TRPC4AP: variants seen among roughly 807,000 people sequenced by gnomAD.
TRPC4AP encodes the protein short transient receptor potential channel 4-associated protein.
TRPC4AP carries 45 observed loss-of-function variants against 99.0 expected under a neutral mutation model. That is an observed-to-expected ratio of 0.45 (90% CI 0.36 to 0.58). The LOEUF (loss-of-function observed/expected upper bound fraction) is 0.58, where lower values mean the gene tolerates loss of function less well. Among genes scored for constraint, TRPC4AP ranks in the 20% least tolerant of loss-of-function variants. The probability of loss-of-function intolerance (pLI) is 0.00; values close to 1 mark genes in which losing one functional copy is unlikely to be tolerated. For missense variants in TRPC4AP, 879 were observed against 985.3 expected, an observed-to-expected ratio of 0.89 and a Z score of 1.44; for synonymous variants, 408 against 385.8, an observed-to-expected ratio of 1.06 and a Z score of -0.67.
chr20:35,078,126 C>T lies in TRPC4AP; in HGVS notation c.217G>A (p.Gly73Arg). Reference protein sequence around the residue: ...TERDKQSKWSGIPQLLLKLHT... With the variant: ...TERDKQSKWSRIPQLLLKLHT... ...AGCTTGAGGAGCAGCTGAGGAATTC[C>T]ACTCCACTTGGATTGTTTGTCCCTC... The change falls in exon 2 of 19, where the codon GGA becomes AGA. Residue 73 changes from glycine (G) to arginine (R), a missense_variant. Coordinates refer to ENST00000252015, the MANE Select transcript of TRPC4AP (RefSeq NM_015638.3). The T allele has an allele frequency of 6.2e-7, 1 of 1,614,010 alleles. No homozygotes were observed. The highest frequency in any genetic ancestry group is 8.5e-7 in the Non-Finnish European group (1 of 1,179,966).
Position 35,007,507 on chromosome 20 carries a change from G to T in TRPC4AP, c.1686+43C>A, listed in dbSNP as rs562233919. ...GACAGGACACAGCAACGCGTGGGCT[G>T]GGGGGAGACGGAACCCAAGACACTG... On this transcript the variant is annotated intron_variant, in intron 14 of 18. Coordinates refer to ENST00000252015, the MANE Select transcript of TRPC4AP (RefSeq NM_015638.3). 239 of 1,590,172 alleles carry T rather than the reference G, an allele frequency of 1.5e-4. 1 individual carries two copies. The highest frequency in any genetic ancestry group is 3.3e-4 in the Middle Eastern group (2 of 5,974).
At chr20:35,055,094 A>G in intron 4 of TRPC4AP, 63 bp from the exon 5 acceptor site, 1 of 1,466,038 alleles carries the variant, frequency 6.8e-7, no homozygotes, top group Non-Finnish European at 9.5e-7. Context: ...AACAGTTACC[A>G]CATTTTTTTC....
In TRPC4AP at chr20:35,049,998, T is replaced by C. The variant is rs1569121815; in HGVS notation, c.529-4A>G. On this transcript the variant is annotated splice_polypyrimidine_tract_variant and splice_region_variant and intron_variant, in intron 5 of 18. Coordinates refer to ENST00000252015, the MANE Select transcript of TRPC4AP (RefSeq NM_015638.3). Reference sequence around the variant, plus strand: ...AACGCTTTGTAACTCCCTCTGTCTGTCACAAGAAGAAAAGGCAGAATAGGT... The same window carrying C: ...AACGCTTTGTAACTCCCTCTGTCTGCCACAAGAAGAAAAGGCAGAATAGGT... 6.2e-7 allele frequency: 1 copy of C among 1,612,774 alleles called. No homozygotes were observed. Among genetic ancestry groups the C allele is most frequent in the Admixed American group, 1.7e-5 (1 of 59,746 alleles).
intron 8 of TRPC4AP, among the ~76,000 whole-genome samples, chr20:35,027,161 T>C (rs2083051650): frequency 6.6e-6 from 1 of 152,184 alleles, no homozygotes; most frequent in South Asian, 2.1e-4. Flanking sequence ...GTAGAAGCTT[T>C]CAATTTTTTG....
chr20:35,006,622 C>A, intron 14 of TRPC4AP, 47 bp from the exon 15 acceptor site: 1 of 1,598,196 alleles, frequency 6.3e-7, no homozygotes, highest in Non-Finnish European at 8.5e-7. Context: ...GCTGCCCCCA[C>A]CAGGGCCTGG....
At chr20:35,065,088 A>C (rs2084109542) in intron 3 of TRPC4AP, among the ~76,000 whole-genome samples, 1 of 152,206 alleles carries the variant, frequency 6.6e-6, no homozygotes, top group African/African-American at 2.4e-5. Context: ...TAAGATGCTC[A>C]AGTGCATAGA....
At chr20:35,092,144 C>T (rs1024200755) in intron 1 of TRPC4AP, among the ~76,000 whole-genome samples, 1 of 152,060 alleles carries the variant, frequency 6.6e-6, no homozygotes. Flanking sequence ...ACAATGGGGA[C>T]CTACTTTAGA....
rs749498462 is a variant in TRPC4AP at position 35,035,229 on chromosome 20, T to A, written c.945A>T (p.Thr315=). The A allele has an allele frequency of 1.2e-6, 2 of 1,614,204 alleles. No homozygotes were observed. Among genetic ancestry groups the A allele is most frequent in the Admixed American group, 1.7e-5 (1 of 60,018 alleles). The change falls in exon 8 of 19, where the codon ACA becomes ACT. Residue 315 remains threonine, a synonymous_variant. Coordinates refer to ENST00000252015, the MANE Select transcript of TRPC4AP (RefSeq NM_015638.3). ...ATRKVSESTG[T]ASFLQELEEW... is the part of the protein sequence containing the mutation. The stretch of plus-strand genomic sequence containing the variant: ...CTTCCAACTCCTGAAGGAAGCTGGC[T>A]GTGCCCGTTGACTCTGACACCTTTC...
At chr20:35,037,486 T>A (rs778980539) in intron 7 of TRPC4AP, among the ~76,000 whole-genome samples, 4 of 152,132 alleles carry the variant, frequency 2.6e-5, no homozygotes, top group Non-Finnish European at 5.9e-5. Flanking sequence ...GCAGCACTAT[T>A]CCCAACAGCC....
chr20:35,068,037 A>T (rs190802534), intron 3 of TRPC4AP, among the ~76,000 whole-genome samples: 6 of 152,058 alleles, frequency 3.9e-5, no homozygotes, highest in East Asian at 1.9e-4. Flanking sequence ...AAAGCTGATT[A>T]AAAAAAACTA....
chr20:35,025,537 A>G (rs941100409), intron 8 of TRPC4AP, among the ~76,000 whole-genome samples: 4 of 152,182 alleles, frequency 2.6e-5, no homozygotes, highest in African/African-American at 7.2e-5. Context: ...CACGTGCTTA[A>G]TAATTATTTA....
intron 6 of TRPC4AP, among the ~76,000 whole-genome samples, chr20:35,049,203 G>A (rs1406750668): frequency 2.0e-5 from 3 of 151,848 alleles, no homozygotes; most frequent in Middle Eastern, 3.4e-3. Context: ...TGTATTTTTG[G>A]GTATCTGTGA....
In TRPC4AP at chr20:35,024,130, CT is replaced by C. The variant is rs11473089; in HGVS notation, c.1052-2775del. On this transcript the variant is annotated intron_variant, in intron 8 of 18. Transcript: ENST00000252015. The stretch of plus-strand genomic sequence containing the variant: ...TGTTTTCTGCGGACATGCACACTCA[CT>C]TTTTTTTTTTTTTAACAGCTTTGAG... Among the ~76,000 whole-genome samples, 216 of 146,364 alleles carry C rather than the reference CT, an allele frequency of 1.5e-3. 2 individuals are homozygous for C. Among genetic ancestry groups the C allele is most frequent in the Middle Eastern group, 0.014 (4 of 286 alleles).
chr20:35,074,334 C>CTTTTTCTTGCT (rs1288911671), intron 2 of TRPC4AP, among the ~76,000 whole-genome samples: 1 of 152,068 alleles, frequency 6.6e-6, no homozygotes, highest in Admixed American at 6.5e-5. Context: ...TTTGCTCTTG[C>CTTTTTCTTGCT]TTTTCTAGTT....
chr20:35,073,544 C>G (rs1310485186), intron 2 of TRPC4AP, among the ~76,000 whole-genome samples: 1 of 152,096 alleles, frequency 6.6e-6, no homozygotes, highest in Non-Finnish European at 1.5e-5. Context: ...TGGTTTTTGT[C>G]TTTGGTTCTG....
At chr20:35,035,371 G>T in intron 7 of TRPC4AP, 63 bp from the exon 8 acceptor site, 1 of 1,520,536 alleles carries the variant, frequency 6.6e-7, no homozygotes, top group South Asian at 1.2e-5. Context: ...TACCCCTAAA[G>T]CCCTAACAAA....
At chr20:35,013,443 G>C (rs2082682783) in intron 10 of TRPC4AP, among the ~76,000 whole-genome samples, 1 of 152,128 alleles carries the variant, frequency 6.6e-6, no homozygotes, top group South Asian at 2.1e-4. Context: ...GCCAGGCATA[G>C]TTGCTGCGCC....
chr20:35,030,607 A>G (rs1267112628), intron 8 of TRPC4AP, among the ~76,000 whole-genome samples: 1 of 152,166 alleles, frequency 6.6e-6, no homozygotes, highest in Non-Finnish European at 1.5e-5. Context: ...GAGTTTTTAT[A>G]TTTACCCTCT....
At chr20:35,092,490 G>A (rs1243046146) in intron 1 of TRPC4AP, 124 bp downstream of exon 1, 1 of 1,173,986 alleles carries the variant, frequency 8.5e-7, no homozygotes, top group Non-Finnish European at 1.1e-6. Flanking sequence ...TCACAGGGAG[G>A]CCTTCCGGCC....
Sources: gnomAD v4.1 joint callset for allele counts (sites outside exome capture counted in the v4.1 genomes callset) on GRCh38, gnomAD v4.1.1 for gene constraint, MANE v1.5 for transcripts, NCBI Gene and HGNC (gene_info 2026-07-23, HGNC 2026-07-21) for gene names.